GALNT14: variants seen among roughly 807,000 people sequenced by gnomAD.
GALNT14 encodes the protein UDP-GalNAc:polypeptide N-acetylgalactosaminyltransferase 14.
A neutral mutation model predicts 77.5 loss-of-function variants in GALNT14; 60 were observed. The ratio of observed to expected loss-of-function variants is 0.77; its 90% CI spans 0.63 to 0.96. The LOEUF (loss-of-function observed/expected upper bound fraction) is 0.96, where lower values mean the gene tolerates loss of function less well. GALNT14 is among the 40% of genes least tolerant of loss of function. The probability of loss-of-function intolerance (pLI) is 0.00; values close to 1 mark genes in which losing one functional copy is unlikely to be tolerated. For synonymous variants in GALNT14, 280 were observed against 281.7 expected, an observed-to-expected ratio of 0.99 and a Z score of 0.06; for missense variants, 710 against 731.0, an observed-to-expected ratio of 0.97 and a Z score of 0.33.
chr2:30,916,407 G>C (rs1664680550), intron 13 of GALNT14, among the ~76,000 whole-genome samples: 1 of 152,162 alleles, frequency 6.6e-6, no homozygotes, highest in Non-Finnish European at 1.5e-5. Context: ...TTTGGTCCGG[G>C]AACCGTCCCT....
intron 1 of GALNT14, among the ~76,000 whole-genome samples, chr2:31,063,141 A>G (rs547756609): frequency 1.3e-5 from 2 of 152,282 alleles, no homozygotes; most frequent in South Asian, 2.1e-4. Flanking sequence ...GCCCATGCCT[A>G]TGTCCTGAAT....
intron 1 of GALNT14, among the ~76,000 whole-genome samples, chr2:31,031,854 A>T (rs2148481436): frequency 6.6e-6 from 1 of 152,276 alleles, no homozygotes; most frequent in Non-Finnish European, 1.5e-5. Flanking sequence ...GAGGGGCAAG[A>T]GCATGGCTGG....
rs1444405996 is a variant in GALNT14, at chr2:30,910,648, A to G, written c.*253T>C. 1 of 426,310 alleles carries G rather than the reference A, an allele frequency of 2.3e-6. No homozygotes were observed. Among genetic ancestry groups the G allele is most frequent in the Non-Finnish European group, 4.2e-6 (1 of 240,328 alleles). The allele number at this position is 426,310 out of a possible 1,614,324, so 26.4% of individuals were successfully genotyped here. A position where few individuals can be genotyped will look rare whatever the true frequency, so the allele number is the denominator to read the frequency against. ...ATTAGGTTTCTGTCTCCAGATACCA[A>G]TCAGGGAATGACTGGCCAGGACTGG... is the stretch of plus-strand genomic sequence containing the variant. On this transcript the variant is annotated 3_prime_UTR_variant, in exon 15 of 15. Coordinates refer to ENST00000349752, the MANE Select transcript of GALNT14 (RefSeq NM_024572.4).
chr2:31,100,101 C>A (rs1057048262), intron 1 of GALNT14, among the ~76,000 whole-genome samples: 3 of 151,696 alleles, frequency 2.0e-5, no homozygotes, highest in African/African-American at 4.8e-5. Context: ...ATTATTAGTT[C>A]TTTTACATTT....
chr2:30,960,537 G>A (rs988118948), intron 3 of GALNT14, among the ~76,000 whole-genome samples: 8 of 152,118 alleles, frequency 5.3e-5, no homozygotes, highest in African/African-American at 1.7e-4. Context: ...AGACCATTTC[G>A]TGGTAACACC....
At chr2:31,011,524 C>T (rs1343956379) in intron 1 of GALNT14, among the ~76,000 whole-genome samples, 1 of 152,034 alleles carries the variant, frequency 6.6e-6, no homozygotes. Flanking sequence ...GTAATAGAAG[C>T]CATGGTCTTT....
chr2:31,138,266 C>T lies in GALNT14; in HGVS notation c.-180G>A, dbSNP rs1471004635. 1.2e-5 allele frequency: 9 copies of T among 739,122 alleles called. No homozygotes were observed. Among genetic ancestry groups the T allele is most frequent in the Non-Finnish European group, 8.6e-6 (4 of 462,566 alleles). 45.8% of individuals were successfully genotyped at this position (739,122 alleles called of 1,614,324 possible). A position where few individuals can be genotyped will look rare whatever the true frequency, so the allele number is the denominator to read the frequency against. On this transcript the variant is annotated 5_prime_UTR_variant, in exon 1 of 15. Transcript: ENST00000349752. ...CCTTCCCGCTTCGAAGAGAAGCGAG[C>T]CTGGGTGGGGGGTGCAGGGCGACCC...
chr2:30,919,719 C>T (rs1477282884), intron 13 of GALNT14, among the ~76,000 whole-genome samples: 1 of 152,188 alleles, frequency 6.6e-6, no homozygotes, highest in Non-Finnish European at 1.5e-5. Context: ...AGTACACAGC[C>T]CTAGGCCCAA....
chr2:30,963,901 G>C (rs540821649), intron 3 of GALNT14, among the ~76,000 whole-genome samples: 2 of 152,320 alleles, frequency 1.3e-5, no homozygotes, highest in Admixed American at 1.3e-4. Flanking sequence ...AGTACGATTA[G>C]TATTCTCATT....
Position 31,111,642 on chromosome 2 carries a change from C to T in GALNT14, c.129+26316G>A, listed in dbSNP as rs544110997. Reference sequence around the variant, plus strand: ...AACCCACCCTTATAGGGAGTCCTGGCGTCATCGCTATGACAGTCTGACATG... The same window carrying T: ...AACCCACCCTTATAGGGAGTCCTGGTGTCATCGCTATGACAGTCTGACATG... On this transcript the variant is annotated intron_variant, in intron 1 of 14. Transcript: ENST00000349752. Among the ~76,000 whole-genome samples the T allele has an allele frequency of 7.5e-4, 114 of 152,334 alleles. No homozygotes were observed. The Middle Eastern group carries it at 0.017, about 23-fold the overall frequency.
chr2:30,898,210 T>G, the GALNT14 span, among the ~76,000 whole-genome samples: 5 of 152,242 alleles, frequency 3.3e-5, no homozygotes, highest in African/African-American at 1.2e-4. Context: ...CATCAGACAC[T>G]GAATGTGTAG....
intron 11 of GALNT14, among the ~76,000 whole-genome samples, chr2:30,926,496 T>C (rs377351965): frequency 2.0e-5 from 3 of 152,024 alleles, no homozygotes; most frequent in African/African-American, 4.8e-5. Flanking sequence ...ATAGAAGGGA[T>C]TGGAACTCAA....
chr2:31,113,604 G>C lies in GALNT14; in HGVS notation c.129+24354C>G, dbSNP rs527732295. ...CTTCTGGTGCTGCAAGGAACCAACA[G>C]CCTGGCTGGTGGTACTGCTCCTACA... On this transcript the variant is annotated intron_variant, in intron 1 of 14. Coordinates refer to ENST00000349752, the MANE Select transcript of GALNT14 (RefSeq NM_024572.4). Among the ~76,000 whole-genome samples, 99 of 152,278 alleles carry C rather than the reference G, an allele frequency of 6.5e-4. 1 individual carries two copies. Among genetic ancestry groups the C allele is most frequent in the Admixed American group, 6.0e-3 (92 of 15,298 alleles).
At chr2:30,956,228 A>C (rs1667361221) in intron 4 of GALNT14, among the ~76,000 whole-genome samples, 2 of 152,206 alleles carry the variant, frequency 1.3e-5, no homozygotes, top group Non-Finnish European at 2.9e-5. Flanking sequence ...GTCAGTACAC[A>C]ATGGCACCTG....
intron 1 of GALNT14, among the ~76,000 whole-genome samples, chr2:31,021,458 C>CG (rs768366270): frequency 6.6e-4 from 100 of 151,616 alleles, no homozygotes; most frequent in Non-Finnish European, 4.7e-4. Context: ...GCGCCCACCA[C>CG]GACACCTGGC....
chr2:30,912,979 G>A lies in GALNT14; in HGVS notation c.1381-637C>T, dbSNP rs79045781. The stretch of plus-strand genomic sequence containing the variant: ...CATGTGCCAGGATAATAGATCTTTT[G>A]GCCCCTGAGCTCTTTCAGGGAGCGA... On this transcript the variant is annotated intron_variant, in intron 13 of 14. Transcript: ENST00000349752. Among the ~76,000 whole-genome samples the A allele has an allele frequency of 4.2e-3, 643 of 152,286 alleles. 2 individuals are homozygous for A. Among genetic ancestry groups the A allele is most frequent in the African/African-American group, 0.015 (623 of 41,552 alleles).
At chr2:30,932,911 G>A (rs187481436) in intron 9 of GALNT14, among the ~76,000 whole-genome samples, 6 of 152,290 alleles carry the variant, frequency 3.9e-5, no homozygotes, top group Non-Finnish European at 8.8e-5. Flanking sequence ...GTTGTTGCTG[G>A]TGTCCCCTAG....
chr2:30,930,906 G>A lies in GALNT14; in HGVS notation c.1058+1162C>T, dbSNP rs1665686598. Among the ~76,000 whole-genome samples, 2 of 152,208 alleles carry A rather than the reference G, an allele frequency of 1.3e-5. 1 individual carries two copies. The highest frequency in any genetic ancestry group is 4.1e-4 in the South Asian group (2 of 4,826). ...ATGACCTACCAGTGTCATGCAGGAT[G>A]CCCACTGGCCAGGGCCCAGTCTCAA... On this transcript the variant is annotated intron_variant, in intron 10 of 14. Transcript: ENST00000349752.
intron 1 of GALNT14, among the ~76,000 whole-genome samples, chr2:31,084,304 G>A (rs1676304079): frequency 6.6e-6 from 1 of 152,186 alleles, no homozygotes; most frequent in African/African-American, 2.4e-5. Flanking sequence ...TAGCGTGTTG[G>A]CTGAAGCTCA....
Sources: allele counts gnomAD v4.1 joint callset (sites outside exome capture counted in the v4.1 genomes callset), GRCh38; gene constraint gnomAD v4.1.1; transcripts MANE v1.5; gene names NCBI Gene and HGNC (gene_info 2026-07-23, HGNC 2026-07-21).